MEF2C: variants seen among roughly 807,000 people sequenced by gnomAD.
MEF2C encodes the protein myocyte-specific enhancer factor 2C.
MEF2C carries 6 observed loss-of-function variants against 50.5 expected under a neutral mutation model. That is an observed-to-expected ratio of 0.12 (90% confidence interval 0.07 to 0.23). MEF2C has a LOEUF of 0.23. Ranked by LOEUF, MEF2C falls within the 10% of genes least tolerant of loss-of-function variation. The pLI is 1.00. For synonymous variants in MEF2C, 183 were observed against 228.0 expected, an observed-to-expected ratio of 0.80 and a Z score of 1.78; for missense variants, 276 against 605.0, an observed-to-expected ratio of 0.46 and a Z score of 5.70.
At chr5:88,857,698 C>T (rs143927185) in intron 1 of MEF2C, among the ~76,000 whole-genome samples, 7 of 152,302 alleles carry the variant, frequency 4.6e-5, no homozygotes, top group South Asian at 2.1e-4. Flanking sequence ...CTTACTCCTT[C>T]GCTCAAAACT....
At chr5:88,817,355 C>A (rs1805951213) in intron 2 of MEF2C, among the ~76,000 whole-genome samples, 1 of 151,850 alleles carries the variant, frequency 6.6e-6, no homozygotes, top group Admixed American at 6.6e-5. Context: ...TCGAATAGAC[C>A]AGATTTAGTT....
At chr5:88,755,794 G>A (rs1445121111) in intron 4 of MEF2C, among the ~76,000 whole-genome samples, 2 of 152,170 alleles carry the variant, frequency 1.3e-5, no homozygotes, top group Non-Finnish European at 2.9e-5. Context: ...TCTCATTAGA[G>A]AGCAAAGCCC....
At chr5:88,757,616 T>C (rs1372367199) in intron 4 of MEF2C, among the ~76,000 whole-genome samples, 1 of 151,958 alleles carries the variant, frequency 6.6e-6, no homozygotes, top group Admixed American at 6.6e-5. Flanking sequence ...CTAAACTAAA[T>C]ACATTAAAAA....
chr5:88,740,113 AAG>A, intron 6 of MEF2C: 1 of 985,346 alleles, frequency 1.0e-6, no homozygotes, highest in African/African-American at 1.7e-5. Context: ...ACGTTCTAAA[AAG>A]AGAGCTGTCT....
intron 1 of MEF2C, among the ~76,000 whole-genome samples, chr5:88,900,101 G>T (rs1835492126): frequency 3.3e-5 from 5 of 151,982 alleles, no homozygotes. Context: ...TCAGAATGTG[G>T]TAGATTTCAA....
chr5:88,842,379 C>G (rs1304628232), intron 1 of MEF2C, among the ~76,000 whole-genome samples: 1 of 152,028 alleles, frequency 6.6e-6, no homozygotes, highest in East Asian at 1.9e-4. Context: ...AGAAAGCTAA[C>G]TCACTTTCAT....
rs1333847555 is a variant in MEF2C, at chr5:88,721,311, CA to C, written c.*1292del. 1.3e-5 allele frequency: 2 copies of C among 152,060 alleles called. No individual in the cohort carries two copies. Among genetic ancestry groups the C allele is most frequent in the East Asian group, 3.9e-4 (2 of 5,182 alleles). The allele number at this position is 152,060 out of a possible 1,614,324, so 9.4% of individuals were successfully genotyped here. A position where few individuals can be genotyped will look rare whatever the true frequency, so the allele number is the denominator to read the frequency against. ...AGGGGCCCTGCATTTGATAAAAATGCAAAAAACAAAATAAAAATAGCATGAA... is the reference window on the plus strand; with the variant it reads ...AGGGGCCCTGCATTTGATAAAAATGCAAAAACAAAATAAAAATAGCATGAA... On this transcript the variant is annotated 3_prime_UTR_variant, in exon 11 of 11. Transcript: ENST00000504921.
At chr5:88,800,452 T>C (rs974951792) in intron 3 of MEF2C, among the ~76,000 whole-genome samples, 2 of 152,208 alleles carry the variant, frequency 1.3e-5, no homozygotes, top group African/African-American at 4.8e-5. Context: ...TTTCAGAGTC[T>C]CTTCCACAGT....
intron 6 of MEF2C, chr5:88,739,771 AGC>A (rs1765723613): frequency 1.2e-5 from 12 of 985,052 alleles, no homozygotes; most frequent in Non-Finnish European, 1.4e-5. Context: ...TACATTGAAT[AGC>A]TCTAAGAGAA....
chr5:88,820,523 T>C (rs1807792713), intron 2 of MEF2C, among the ~76,000 whole-genome samples: 1 of 152,028 alleles, frequency 6.6e-6, no homozygotes, highest in African/African-American at 2.4e-5. Flanking sequence ...TAATATTTCA[T>C]TTCACACTTG....
chr5:88,805,156 C>T (rs774084049), intron 2 of MEF2C, among the ~76,000 whole-genome samples: 1 of 152,112 alleles, frequency 6.6e-6, no homozygotes, highest in East Asian at 1.9e-4. Flanking sequence ...TAGTTTGGAG[C>T]TTGTTTTTGA....
rs909363347 is a variant in MEF2C at position 88,873,606 on chromosome 5, G to A, written c.-143+9349C>T. Among the ~76,000 whole-genome samples, 45 of 151,400 alleles carry A rather than the reference G, an allele frequency of 3.0e-4. 2 individuals are homozygous for A. Among genetic ancestry groups the A allele is most frequent in the Non-Finnish European group, 5.9e-5 (4 of 67,872 alleles). On this transcript the variant is annotated intron_variant, in intron 1 of 10. Transcript: ENST00000504921. ...CAAGCAAGATCAAACAGTCTTGGAA[G>A]GGATATTGCCGATTCATTTCAACCC...
chr5:88,733,186 G>A (rs1404070852), intron 6 of MEF2C: 1 of 985,204 alleles, frequency 1.0e-6, no homozygotes, highest in Non-Finnish European at 1.2e-6. Context: ...ATTGATGAGG[G>A]CCTTAAAGAA....
intron 6 of MEF2C, chr5:88,743,509 C>T: frequency 1.0e-6 from 1 of 983,792 alleles, no homozygotes; most frequent in Non-Finnish European, 1.2e-6. Flanking sequence ...TAAGTTTTTT[C>T]TTTTTCAATG....
At chr5:88,740,453 C>T (rs934326871) in intron 6 of MEF2C, 3 of 984,784 alleles carry the variant, frequency 3.0e-6, no homozygotes, top group East Asian at 2.3e-4. Context: ...AACTGTCATG[C>T]GGATTTAGGC....
chr5:88,733,697 T>A (rs1762635002), intron 6 of MEF2C: 5 of 985,294 alleles, frequency 5.1e-6, no homozygotes, highest in Non-Finnish European at 6.0e-6. Flanking sequence ...TATGCATGAA[T>A]AAACAGGCTG....
intron 6 of MEF2C, chr5:88,737,563 A>G: frequency 3.0e-6 from 3 of 985,440 alleles, no homozygotes; most frequent in Non-Finnish European, 3.6e-6. Flanking sequence ...TTACTCATAC[A>G]GAACTTTTCA....
intron 1 of MEF2C, among the ~76,000 whole-genome samples, chr5:88,900,339 T>G (rs1321363215): frequency 1.3e-5 from 2 of 151,872 alleles, no homozygotes; most frequent in African/African-American, 2.4e-5. Context: ...CTATATAATG[T>G]ATTATGCACT....
chr5:88,847,825 T>C (rs1413551217), intron 1 of MEF2C, among the ~76,000 whole-genome samples: 1 of 152,162 alleles, frequency 6.6e-6, no homozygotes, highest in East Asian at 1.9e-4. Context: ...ACCTTTCATA[T>C]GAGACCACCA....
Sources: gnomAD v4.1 joint callset for allele counts (sites outside exome capture counted in the v4.1 genomes callset) on GRCh38, gnomAD v4.1.1 for gene constraint, MANE v1.5 for transcripts, NCBI Gene and HGNC (gene_info 2026-07-23, HGNC 2026-07-21) for gene names.